The following BNIP3L variants were observed in gnomAD, a reference collection of about 807,000 sequenced individuals.
BNIP3L encodes BCL2 interacting protein 3 like.
BNIP3L carries 10 observed loss-of-function variants against 25.5 expected under a neutral mutation model. That is an observed-to-expected ratio of 0.39 (90% CI 0.24 to 0.67). BNIP3L has a LOEUF of 0.67. Ranked by LOEUF, BNIP3L falls within the 30% of genes least tolerant of loss-of-function variation. The pLI is 0.45. For missense variants in BNIP3L, 215 were observed against 270.9 expected, an observed-to-expected ratio of 0.79 and a Z score of 1.45; for synonymous variants, 113 against 101.2, an observed-to-expected ratio of 1.12 and a Z score of -0.70.
chr8:26,391,394 G>C lies in BNIP3L; in HGVS notation c.252G>C (p.Gln84His). ...ILLDAQHESG[Q>H]SSSRGSSHCD... Reference sequence around the variant, plus strand: ...TGGATGCACAACATGAATCAGGACAGAGTAGTTCCAGAGGCAGTTCTCACT... The same window carrying C: ...TGGATGCACAACATGAATCAGGACACAGTAGTTCCAGAGGCAGTTCTCACT... Residue 84 changes from glutamine to histidine, a missense_variant, in exon 2 of 6, where the codon CAG becomes CAC. By Grantham distance (24) the Gln-to-His change is conservative. Coordinates refer to ENST00000380629, the MANE Select transcript of BNIP3L (RefSeq NM_004331.3). 5 of 1,582,716 alleles carry C rather than the reference G, an allele frequency of 3.2e-6. No homozygotes were observed. Among genetic ancestry groups the C allele is most frequent in the Non-Finnish European group, 4.3e-6 (5 of 1,164,424 alleles).
At chr8:26,408,754 C>T (rs1169813772) in intron 5 of BNIP3L, among the ~76,000 whole-genome samples, 1 of 151,890 alleles carries the variant, frequency 6.6e-6, no homozygotes, top group Non-Finnish European at 1.5e-5. Flanking sequence ...TGCCTGTGGT[C>T]CCAGCTACTT....
At chr8:26,404,760 G>A (rs554055593) in intron 3 of BNIP3L, among the ~76,000 whole-genome samples, 25 of 152,278 alleles carry the variant, frequency 1.6e-4, no homozygotes, top group African/African-American at 6.0e-4. Flanking sequence ...CGTCCACCTC[G>A]GCCTCCCTAA....
In BNIP3L at chr8:26,408,114, A is replaced by G; in HGVS notation, c.461+11A>G. 3 of 1,613,736 alleles carry G rather than the reference A, an allele frequency of 1.9e-6. No individual in the cohort carries two copies. The highest frequency in any genetic ancestry group is 2.5e-6 in the Non-Finnish European group (3 of 1,179,618). On this transcript the variant is annotated intron_variant, in intron 4 of 5. Coordinates refer to ENST00000380629, the MANE Select transcript of BNIP3L (RefSeq NM_004331.3). ...AAACATTCCACCCAAGTGAGTTCTC[A>G]CATGTTTCTTGTCAGTGGACACAGT... is the stretch of plus-strand genomic sequence containing the variant.
intron 1 of BNIP3L, among the ~76,000 whole-genome samples, chr8:26,390,746 AAGT>A (rs1172579549): frequency 3.9e-5 from 6 of 152,188 alleles, no homozygotes; most frequent in African/African-American, 1.2e-4. Flanking sequence ...TGTTTGCACT[AAGT>A]AGGATATAGT....
At chr8:26,401,347 A>C (rs1359814265) in intron 3 of BNIP3L, among the ~76,000 whole-genome samples, 1 of 147,838 alleles carries the variant, frequency 6.8e-6, no homozygotes, top group Non-Finnish European at 1.5e-5. Context: ...ATTCTCACTC[A>C]TAGGTGGGAA....
chr8:26,403,112 C>T (rs972781226), intron 3 of BNIP3L, among the ~76,000 whole-genome samples: 1 of 152,158 alleles, frequency 6.6e-6, no homozygotes, highest in Non-Finnish European at 1.5e-5. Context: ...AGGCTATCAT[C>T]AAGAGGAGGT....
rs563884057 is a variant in BNIP3L, at chr8:26,390,953, A to G, written c.101-290A>G. ...TTGAAAAGCAACCTGAGTTTTCAGT[A>G]GAGTGTTATTATAAACCAAGCTTTA... On this transcript the variant is annotated intron_variant, in intron 1 of 5. Transcript: ENST00000380629. Among the ~76,000 whole-genome samples, 18 of 152,296 alleles carry G rather than the reference A, an allele frequency of 1.2e-4. No homozygotes were observed. In the South Asian group the frequency reaches 3.7e-3, roughly 32 times the overall value.
At chr8:26,401,777 G>A (rs572689953) in intron 3 of BNIP3L, among the ~76,000 whole-genome samples, 1 of 152,162 alleles carries the variant, frequency 6.6e-6, no homozygotes, top group African/African-American at 2.4e-5. Flanking sequence ...ACTAGGAGTT[G>A]ACAATGTTGG....
intron 3 of BNIP3L, among the ~76,000 whole-genome samples, chr8:26,398,012 A>G (rs1585435556): frequency 2.1e-5 from 1 of 48,580 alleles, no homozygotes; most frequent in Non-Finnish European, 4.0e-5. Flanking sequence ...AGACTCCCAC[A>G]CATTAATAAT....
intron 2 of BNIP3L, among the ~76,000 whole-genome samples, chr8:26,393,372 C>T (rs1284192122): frequency 1.4e-5 from 2 of 146,032 alleles, no homozygotes; most frequent in Admixed American, 1.4e-4. Flanking sequence ...CACCCTGTCA[C>T]AGGGGTTTTC....
chr8:26,407,334 C>T (rs1380645919), intron 3 of BNIP3L, among the ~76,000 whole-genome samples: 2 of 151,502 alleles, frequency 1.3e-5, no homozygotes, highest in South Asian at 2.1e-4. Context: ...TACAGGTGCC[C>T]GCCATCACGC....
In BNIP3L at chr8:26,395,230, C is replaced by T; in HGVS notation, c.285C>T (p.Ser95=). Residue 95 remains serine (S), a splice_region_variant and synonymous_variant, in exon 3 of 6, where the codon AGC becomes AGT. Transcript: ENST00000380629. The stretch of plus-strand genomic sequence containing the variant: ...AATAGCTGAATTCCTTCTCTTCTAG[C>T]CCTTCGCCACAAGAAGATGGGCAGA... The part of the protein sequence containing the change: ...SSSRGSSHCD[S]PSPQEDGQIM... The T allele has an allele frequency of 6.2e-7, 1 of 1,613,898 alleles. No homozygotes were observed. The highest frequency in any genetic ancestry group is 8.5e-7 in the Non-Finnish European group (1 of 1,179,872).
Position 26,407,988 on chromosome 8 carries a change from T to G in BNIP3L, c.358-12T>G. On this transcript the variant is annotated splice_polypyrimidine_tract_variant and intron_variant, in intron 3 of 5. Transcript: ENST00000380629. ...TTCCTTTTTTTCTTAAAGTTTGAAT[T>G]CTTCTTTACAGTCAGAAGAAGAAGT... 2 of 1,612,558 alleles carry G rather than the reference T, an allele frequency of 1.2e-6. No individual in the cohort carries two copies. Among genetic ancestry groups the G allele is most frequent in the Non-Finnish European group, 1.7e-6 (2 of 1,178,798 alleles).
In BNIP3L at chr8:26,391,335, T is replaced by G; in HGVS notation, c.193T>G (p.Ser65Ala). The G allele has an allele frequency of 6.2e-7, 1 of 1,611,726 alleles. No homozygotes were observed. The highest frequency in any genetic ancestry group is 8.5e-7 in the Non-Finnish European group (1 of 1,179,110). ...GCTGGAACACGTACCATCCTCATCC[T>G]CCATCCACAATGGAGACATGGAGAA... The part of the protein sequence containing the change: ...GGLEHVPSSS[S>A]IHNGDMEKIL... The change falls in exon 2 of 6, where the codon TCC becomes GCC. Residue 65 changes from serine to alanine, a missense_variant. Coordinates refer to ENST00000380629, the MANE Select transcript of BNIP3L (RefSeq NM_004331.3).
chr8:26,401,047 C>G (rs1370215273), intron 3 of BNIP3L, among the ~76,000 whole-genome samples: 1 of 138,098 alleles, frequency 7.2e-6, no homozygotes, highest in African/African-American at 2.6e-5. Context: ...ACCATTTGAC[C>G]CAGCCATCCC....
chr8:26,407,189 T>A (rs2117495007), intron 3 of BNIP3L, among the ~76,000 whole-genome samples: 1 of 147,264 alleles, frequency 6.8e-6, no homozygotes, highest in Middle Eastern at 3.6e-3. Flanking sequence ...TTTGTTTTGT[T>A]TTGTTTTGTT....
At chr8:26,391,471 T>G in intron 2 of BNIP3L, 45 bp downstream of exon 2, 1 of 1,446,702 alleles carries the variant, frequency 6.9e-7, no homozygotes, top group Non-Finnish European at 9.2e-7. Flanking sequence ...AACAGGTGGG[T>G]TACAGGGCTC....
chr8:26,408,824 A>G (rs1012299153), intron 5 of BNIP3L, among the ~76,000 whole-genome samples: 1 of 150,594 alleles, frequency 6.6e-6, no homozygotes, highest in Non-Finnish European at 1.5e-5. Flanking sequence ...GTGAGCCGAG[A>G]TCATGCCACT....
intron 3 of BNIP3L, among the ~76,000 whole-genome samples, chr8:26,407,460 A>G (rs945789794): frequency 3.3e-5 from 5 of 151,940 alleles, no homozygotes. Flanking sequence ...TGCTGGGATT[A>G]CAGGCGTGAG....
Sources: gnomAD v4.1 joint callset for allele counts (sites outside exome capture counted in the v4.1 genomes callset) on GRCh38, gnomAD v4.1.1 for gene constraint, MANE v1.5 for transcripts, NCBI Gene and HGNC (gene_info 2026-07-23, HGNC 2026-07-21) for gene names.